Variants in ASAH1 observed in about 807,000 individuals in gnomAD.
The protein encoded by ASAH1 is acid ceramidase.
ASAH1 carries 70 observed loss-of-function variants against 59.5 expected under a neutral mutation model. The observed-to-expected ratio is 1.18, with a 90% CI of 0.97 to 1.43. The LOEUF is 1.43. Among genes scored for constraint, ASAH1 ranks in the 40% most tolerant of loss-of-function variants. The pLI, the probability that ASAH1 is intolerant of heterozygous loss-of-function variation, is 0.00. For missense variants in ASAH1, 660 were observed against 482.5 expected (o/e 1.37, Z -3.45); for synonymous variants, 213 against 166.5 (o/e 1.28, Z -2.15).
At chr8:18,073,198 C>T in intron 2 of ASAH1, 3 of 1,451,906 alleles carry the variant, frequency 2.1e-6, no homozygotes, top group Non-Finnish European at 2.9e-6. Flanking sequence ...TTTTCTAAAA[C>T]ATTTCAGTAT....
At chr8:18,084,405 A>T, upstream of ASAH1, 1 of 1,395,580 alleles carries the variant, frequency 7.2e-7, no homozygotes, top group Non-Finnish European at 9.3e-7. Context: ...CGGGAGCTTC[A>T]CCCGTGGCGC....
intron 5 of ASAH1, chr8:18,065,179 T>C (rs533081792): frequency 1.3e-4 from 20 of 151,680 alleles, no homozygotes; most frequent in African/African-American, 4.6e-4. Context: ...AAATTCTAGT[T>C]ATTTTATTAT....
Position 18,082,829 on chromosome 8 carries a change from A to G in ASAH1, c.78+1152T>C, listed in dbSNP as rs569871346. ...CAATGAAGGGCCCTGACAGTATCAAAGTATCAAAGTCTCTCCCAATTCCCA... is the reference window on the plus strand; with the variant it reads ...CAATGAAGGGCCCTGACAGTATCAAGGTATCAAAGTCTCTCCCAATTCCCA... On this transcript the variant is annotated intron_variant, in intron 1 of 13. Transcript: ENST00000637790. 9.8e-5 allele frequency among the ~76,000 whole-genome samples: 15 copies of G among 152,308 alleles called. No individual in the cohort carries two copies. The South Asian group carries it at 2.9e-3, about 30-fold the overall frequency.
chr8:18,081,152 C>T (rs2117097863), intron 1 of ASAH1, among the ~76,000 whole-genome samples: 2 of 152,270 alleles, frequency 1.3e-5, no homozygotes. Context: ...CCCATGTTTC[C>T]TGGAACGGAT....
chr8:18,073,942 G>T (rs1266807788), intron 2 of ASAH1, among the ~76,000 whole-genome samples: 2 of 152,184 alleles, frequency 1.3e-5, no homozygotes, highest in Non-Finnish European at 2.9e-5. Context: ...GTATACACGT[G>T]TATGTGTTTT....
intron 5 of ASAH1, chr8:18,066,870 T>G (rs913615235): frequency 6.7e-6 from 2 of 299,210 alleles, no homozygotes; most frequent in Admixed American, 1.0e-4. Context: ...ATACAAGAAA[T>G]CACACAGGAC....
intron 5 of ASAH1, chr8:18,066,580 G>A (rs1223385183): frequency 6.6e-6 from 1 of 151,882 alleles, no homozygotes; most frequent in Non-Finnish European, 1.5e-5. Context: ...TGACACTATC[G>A]AGAGGAGAAT....
intron 5 of ASAH1, chr8:18,066,425 A>C (rs1290951254): frequency 7.5e-5 from 8 of 106,738 alleles, no homozygotes; most frequent in East Asian, 7.7e-4. Flanking sequence ...AGAAAACCAA[A>C]AAAAAAAAAA....
At chr8:18,067,143 A>ATATCTAAGACATACAGCACCTG in intron 5 of ASAH1, 77 bp downstream of exon 5, 3 of 1,321,224 alleles carry the variant, frequency 2.3e-6, no homozygotes, top group Non-Finnish European at 3.2e-6. Flanking sequence ...CCTGTGCTGT[A>ATATCTAAGACATACAGCACCTG]TGTATATCAC....
intron 10 of ASAH1, 156 bp from the exon 11 acceptor site, chr8:18,059,859 C>A: frequency 1.5e-6 from 1 of 654,490 alleles, no homozygotes; most frequent in East Asian, 3.0e-5. Flanking sequence ...GTTTGCTGCA[C>A]CCATCAACCC....
upstream of ASAH1, chr8:18,084,239 GC>G (rs1800796129): frequency 2.7e-6 from 4 of 1,469,110 alleles, no homozygotes; most frequent in Non-Finnish European, 3.6e-6. Context: ...GCTTTTCAGT[GC>G]CACGAAAAGG....
At position 18,063,193 on chromosome 8, in the gene ASAH1, T is replaced by C. The variant is rs2117032487; in HGVS notation, c.495A>G (p.Val165=). 1.2e-6 allele frequency: 2 copies of C among 1,613,916 alleles called. No individual in the cohort carries two copies. The highest frequency in any genetic ancestry group is 1.7e-6 in the Non-Finnish European group (2 of 1,179,836). Residue 165 remains valine, a synonymous_variant, in exon 7 of 14, where the codon GTA becomes GTG. Coordinates refer to ENST00000637790, the MANE Select transcript of ASAH1 (RefSeq NM_177924.5). The part of the protein sequence containing the change: ...LIHGRNMDFG[V]FLGWNINNDT... ...CTTTGTTCTTTACTTACCCAAGAAA[T>C]ACTCCAAAATCCATGTTTCTCCCAT...
upstream of ASAH1, chr8:18,084,215 G>T: frequency 6.6e-7 from 1 of 1,510,156 alleles, no homozygotes; most frequent in Non-Finnish European, 8.8e-7. Context: ...GCGGGACTGG[G>T]AGGAGAGGAC....
At chr8:18,082,149 C>T (rs1420695596) in intron 1 of ASAH1, among the ~76,000 whole-genome samples, 1 of 152,198 alleles carries the variant, frequency 6.6e-6, no homozygotes, top group Non-Finnish European at 1.5e-5. Context: ...GTGAAAACAG[C>T]TTCCCAAAGT....
In ASAH1 at chr8:18,056,574, T is replaced by C. The variant is rs1171216991; in HGVS notation, c.*960A>G. On this transcript the variant is annotated 3_prime_UTR_variant, in exon 14 of 14. Transcript: ENST00000637790. ...AGTTAATCGTGAAGGTTAGAAAGGT[T>C]AACAAGTTCTATTAGTACTTTTCAT... 1 of 152,244 alleles carries C rather than the reference T, an allele frequency of 6.6e-6. No homozygotes were observed. The highest frequency in any genetic ancestry group is 2.4e-5 in the African/African-American group (1 of 41,466). The allele number at this position is 152,244 out of a possible 1,614,324, so 9.4% of individuals were successfully genotyped here. A position where few individuals can be genotyped will look rare whatever the true frequency, so the allele number is the denominator to read the frequency against.
In ASAH1 at chr8:18,057,446, T is replaced by A. The variant is rs185741583; in HGVS notation, c.*88A>T. The A allele has an allele frequency of 9.6e-5, 101 of 1,054,064 alleles. 1 individual carries two copies. The highest frequency in any genetic ancestry group is 3.5e-4 in the Admixed American group (19 of 54,524). 65.3% of individuals were successfully genotyped at this position (1,054,064 alleles called of 1,614,324 possible). On this transcript the variant is annotated 3_prime_UTR_variant, in exon 14 of 14. Coordinates refer to ENST00000637790, the MANE Select transcript of ASAH1 (RefSeq NM_177924.5). ...GAGAACCTGCCGCGAGTCTTAGTCT[T>A]TGGAAGGTCAGACAGCTGCAGTGTT...
At chr8:18,083,113 A>G (rs1363361827) in intron 1 of ASAH1, 2 of 152,194 alleles carry the variant, frequency 1.3e-5, no homozygotes, top group South Asian at 2.1e-4. Flanking sequence ...TCCACTTTCA[A>G]TAACCTACCT....
At chr8:18,069,534 A>T (rs1003616350) in intron 4 of ASAH1, 3 of 397,292 alleles carry the variant, frequency 7.6e-6, no homozygotes, top group African/African-American at 4.0e-5. Flanking sequence ...GAAATACCAC[A>T]CTCCCAGATG....
intron 2 of ASAH1, among the ~76,000 whole-genome samples, chr8:18,075,199 T>C (rs1049193051): frequency 3.9e-5 from 6 of 151,958 alleles, no homozygotes; most frequent in African/African-American, 1.5e-4. Flanking sequence ...GTTTCACTGT[T>C]AGCCAGCATG....
Sources: allele counts gnomAD v4.1 joint callset (sites outside exome capture counted in the v4.1 genomes callset), GRCh38; gene constraint gnomAD v4.1.1; transcripts MANE v1.5; gene names NCBI Gene and HGNC (gene_info 2026-07-23, HGNC 2026-07-21).